Variants in FANCI observed in about 807,000 individuals in gnomAD.
FANCI encodes the protein FA complementation group I.
Under a neutral mutation model 176.1 loss-of-function variants are expected in FANCI, and 156 were observed. The observed-to-expected ratio is 0.89, with a 90% CI of 0.78 to 1.01. The LOEUF (loss-of-function observed/expected upper bound fraction) is 1.01. Ranked by LOEUF, FANCI falls within the 50% of genes least tolerant of loss-of-function variation. The pLI is 0.00. For synonymous variants in FANCI, 613 were observed against 541.7 expected, an observed-to-expected ratio of 1.13 and a Z score of -1.83; for missense variants, 1,678 against 1,534.1, an observed-to-expected ratio of 1.09 and a Z score of -1.57.
rs1183239990 is a variant in FANCI, at chr15:89,278,767, T to A, written c.1374T>A (p.His458Gln). 7.4e-6 allele frequency: 12 copies of A among 1,611,944 alleles called. No individual in the cohort carries two copies. The highest frequency in any genetic ancestry group is 1.0e-5 in the Non-Finnish European group (12 of 1,178,086). The change falls in exon 14 of 38, where the codon CAT becomes CAA. Residue 458 changes from histidine (H) to glutamine (Q), a missense_variant. Around this residue, in one of 3 missense-constraint regions of FANCI, gnomAD observed 1,204 missense variants for 1,077.4 expected, o/e 1.12. Coordinates refer to ENST00000310775, the MANE Select transcript of FANCI (RefSeq NM_001113378.2). Reference protein sequence around the residue: ...VVTRASSPISHFLDLLSNIVM... With the variant: ...VVTRASSPISQFLDLLSNIVM... ...CCAGAGCATCTTCTCCCATCAGTCA[T>A]TTCTTAGGTATTCAACTTTGAAAGA...
At chr15:89,280,822 A>G (rs1340997623) in intron 14 of FANCI, among the ~76,000 whole-genome samples, 3 of 152,234 alleles carry the variant, frequency 2.0e-5, no homozygotes, top group South Asian at 2.1e-4. Flanking sequence ...ATAGGACCAT[A>G]TTACGCTTGT....
At chr15:89,271,359 A>C (rs1185197745) in intron 10 of FANCI, among the ~76,000 whole-genome samples, 1 of 152,104 alleles carries the variant, frequency 6.6e-6, no homozygotes, top group Non-Finnish European at 1.5e-5. Flanking sequence ...TTCTGTCTCT[A>C]TAGATTTACC....
intron 10 of FANCI, among the ~76,000 whole-genome samples, chr15:89,272,423 G>T (rs1184702273): frequency 6.6e-6 from 1 of 151,918 alleles, no homozygotes; most frequent in East Asian, 1.9e-4. Flanking sequence ...TTTTTTCTCA[G>T]TCTGTGACTT....
At chr15:89,280,161 G>C (rs1225942805) in intron 14 of FANCI, among the ~76,000 whole-genome samples, 1 of 152,072 alleles carries the variant, frequency 6.6e-6, no homozygotes, top group Non-Finnish European at 1.5e-5. Context: ...AGCTGGGACT[G>C]CAGGCACGTG....
Position 89,302,230 on chromosome 15 carries a change from C to T in FANCI, c.3006+788C>T, listed in dbSNP as rs192376316. Among the ~76,000 whole-genome samples the T allele has an allele frequency of 1.4e-3, 217 of 152,238 alleles. 1 individual carries two copies. The highest frequency in any genetic ancestry group is 4.7e-3 in the African/African-American group (195 of 41,540). ...AGACTGTAGCCTGGGAGTATGAAGG[C>T]GTTTGGGCACTAGAAAGCAGAGCTG... On this transcript the variant is annotated intron_variant, in intron 27 of 37. Transcript: ENST00000310775.
intron 2 of FANCI, among the ~76,000 whole-genome samples, chr15:89,254,367 T>C (rs1040558263): frequency 6.6e-6 from 1 of 152,134 alleles, no homozygotes; most frequent in African/African-American, 2.4e-5. Flanking sequence ...CTGGAACATC[T>C]TGCTATACCA....
At chr15:89,303,718 C>T (rs1243474583) in intron 27 of FANCI, 146 bp from the exon 28 acceptor site, 1 of 660,632 alleles carries the variant, frequency 1.5e-6, no homozygotes. Flanking sequence ...TTATGCCCTT[C>T]ATCATATATT....
rs202053383 is a variant in FANCI at position 89,300,336 on chromosome 15, C to T, written c.2840C>T (p.Ala947Val). Residue 947 changes from alanine to valine, a missense_variant, in exon 26 of 38, where the codon GCA (alanine) becomes GTA (valine). By Grantham distance (64) the Ala-to-Val change is moderately conservative. Coordinates refer to ENST00000310775, the MANE Select transcript of FANCI (RefSeq NM_001113378.2). ...AAGGAAGGAGAAGAGAGAGAAGATG[C>T]AGATGTCAGTGTCACTCAGAGAACA... ...TDKEGEERED[A>V]DVSVTQRTAF... The T allele has an allele frequency of 1.5e-5, 25 of 1,613,754 alleles. No homozygotes were observed. Among genetic ancestry groups the T allele is most frequent in the Non-Finnish European group, 2.1e-5 (25 of 1,179,810 alleles).
At chr15:89,289,880 C>T (rs1290255602) in intron 18 of FANCI, among the ~76,000 whole-genome samples, 3 of 151,442 alleles carry the variant, frequency 2.0e-5, no homozygotes, top group Admixed American at 6.6e-5. Flanking sequence ...TTAGTAGAGA[C>T]AGGGTTTTGC....
At chr15:89,281,371 T>G (rs995159131) in intron 15 of FANCI, 71 bp downstream of exon 15, 2 of 1,547,030 alleles carry the variant, frequency 1.3e-6, no homozygotes, top group Non-Finnish European at 1.8e-6. Flanking sequence ...CTGATGCATT[T>G]TTGTATAAAT....
chr15:89,281,781 G>T lies in FANCI; in HGVS notation c.1529G>T (p.Ser510Ile). ...LKAVQPLLKVSMSMRDCLILV... is the reference protein window; with the variant it reads ...LKAVQPLLKVIMSMRDCLILV... ...CTTTTTCAGCCCCTTCTCAAAGTCAGCATGTCAATGAGAGACTGCTTGATA... is the reference window on the plus strand; with the variant it reads ...CTTTTTCAGCCCCTTCTCAAAGTCATCATGTCAATGAGAGACTGCTTGATA... Residue 510 changes from serine (S) to isoleucine (I), a missense_variant, in exon 16 of 38, where the codon AGC (serine) becomes ATC (isoleucine). Ser to Ile is a moderately radical substitution (Grantham distance 142, BLOSUM62 -2). Coordinates refer to ENST00000310775, the MANE Select transcript of FANCI (RefSeq NM_001113378.2). 1 of 1,613,898 alleles carries T rather than the reference G, an allele frequency of 6.2e-7. No homozygotes were observed. Among genetic ancestry groups the T allele is most frequent in the Non-Finnish European group, 8.5e-7 (1 of 1,179,894 alleles).
At chr15:89,290,594 A>C (rs1383416038) in intron 19 of FANCI, 3 of 283,096 alleles carry the variant, frequency 1.1e-5, no homozygotes, top group African/African-American at 6.4e-5. Context: ...TTTCTGAAAG[A>C]AAAAAGAAAT....
In FANCI at chr15:89,278,938, G is replaced by T. The variant is rs376180212; in HGVS notation, c.1381+164G>T. On this transcript the variant is annotated intron_variant, in intron 14 of 37. Transcript: ENST00000310775. ...TTTATGTTGTCTGGGATTGTCAGTT[G>T]TCAAAAAGGCTGTAGCTGTTAGTAA... 9.8e-5 allele frequency among the ~76,000 whole-genome samples: 15 copies of T among 152,316 alleles called. No individual in the cohort carries two copies. The East Asian group carries it at 2.3e-3, about 23-fold the overall frequency.
intron 13 of FANCI, 126 bp from the exon 14 acceptor site, chr15:89,278,561 C>T: frequency 1.4e-6 from 1 of 711,112 alleles, no homozygotes; most frequent in Non-Finnish European, 2.5e-6. Flanking sequence ...AGATGATTCA[C>T]ATTATATTCT....
At chr15:89,278,623 G>T in intron 13 of FANCI, 64 bp from the exon 14 acceptor site, 1 of 1,155,034 alleles carries the variant, frequency 8.7e-7, no homozygotes. Flanking sequence ...TGCCTGACAT[G>T]CATTGATATA....
At chr15:89,268,290 T>G in intron 9 of FANCI, 109 bp from the exon 10 acceptor site, 6 of 1,176,156 alleles carry the variant, frequency 5.1e-6, no homozygotes, top group Non-Finnish European at 3.8e-6. Context: ...AGGCTGGTCT[T>G]GAACTCCTGG....
intron 9 of FANCI, 50 bp downstream of exon 9, chr15:89,264,657 T>C (rs754549832): frequency 3.3e-6 from 5 of 1,513,364 alleles, no homozygotes; most frequent in Non-Finnish European, 4.6e-6. Context: ...ATTCATCTTC[T>C]CATTGTGTAT....
At chr15:89,275,798 C>T (rs1386441071) in intron 12 of FANCI, among the ~76,000 whole-genome samples, 1 of 152,208 alleles carries the variant, frequency 6.6e-6, no homozygotes, top group Non-Finnish European at 1.5e-5. Flanking sequence ...GAAAGCATCT[C>T]CATGTATAAT....
In FANCI at chr15:89,276,774, A is replaced by G; in HGVS notation, c.1176A>G (p.Ser392=). The G allele has an allele frequency of 6.2e-7, 1 of 1,614,200 alleles. No individual in the cohort carries two copies. Among genetic ancestry groups the G allele is most frequent in the Non-Finnish European group, 8.5e-7 (1 of 1,180,030 alleles). ...LVELGFILMD[S]YGPKKVLDGK... ...AACTTGGTTTCATTTTGATGGATTC[A>G]TATGGGCCAAAGAAGGTTCTTGATG... Residue 392 remains serine (S), a synonymous_variant, in exon 13 of 38, where the codon TCA becomes TCG. Coordinates refer to ENST00000310775, the MANE Select transcript of FANCI (RefSeq NM_001113378.2).
Sources: gnomAD v4.1 joint callset for allele counts (sites outside exome capture counted in the v4.1 genomes callset) on GRCh38, gnomAD v4.1.1 for gene constraint, gnomAD v4.1.1 regional missense constraint, MANE v1.5 for transcripts, NCBI Gene and HGNC (gene_info 2026-07-23, HGNC 2026-07-21) for gene names.